Variants in COL5A1 observed in about 807,000 individuals in gnomAD.
COL5A1 encodes the protein collagen alpha-1(V) chain.
Under a neutral mutation model 263.7 loss-of-function variants are expected in COL5A1, and 16 were observed. The observed-to-expected ratio is 0.06, with a 90% confidence interval of 0.04 to 0.09. The LOEUF is 0.09. Among genes scored for constraint, COL5A1 ranks in the 10% least tolerant of loss-of-function variants. COL5A1 has a pLI of 1.00. For missense variants in COL5A1, 2,036 were observed against 2,540.5 expected, an observed-to-expected ratio of 0.80 and a Z score of 4.27; for synonymous variants, 1,012 against 1,004.5, an observed-to-expected ratio of 1.01 and a Z score of -0.14.
intron 9 of COL5A1, among the ~76,000 whole-genome samples, chr9:134,733,933 G>C (rs879627719): frequency 1.3e-5 from 2 of 152,188 alleles, no homozygotes; most frequent in East Asian, 3.8e-4. Context: ...GTCCTTGCTC[G>C]GGGAGGAAGA....
intron 34 of COL5A1, among the ~76,000 whole-genome samples, chr9:134,795,793 G>A (rs1837885592): frequency 6.6e-6 from 1 of 152,244 alleles, no homozygotes; most frequent in East Asian, 1.9e-4. Context: ...GGAGAATCTG[G>A]ACACAGACCC....
Position 134,761,797 on chromosome 9 carries a change from A to G in COL5A1, c.1936-128A>G, listed in dbSNP as rs544600210. ...GTGATCTTCTAAGGAAAATTCCCCC[A>G]TTCTGGAAGGGTCTTTTGAGAGCTT... is the stretch of plus-strand genomic sequence containing the variant. On this transcript the variant is annotated intron_variant, in intron 18 of 65. Transcript: ENST00000371817. The G allele has an allele frequency of 1.2e-4, 114 of 967,352 alleles. No homozygotes were observed. In the African/African-American group the frequency reaches 1.7e-3, roughly 14 times the overall value. 59.9% of individuals were successfully genotyped at this position (967,352 alleles called of 1,614,324 possible).
At chr9:134,703,882 G>T (rs909201019) in intron 4 of COL5A1, among the ~76,000 whole-genome samples, 1 of 151,856 alleles carries the variant, frequency 6.6e-6, no homozygotes, top group African/African-American at 2.4e-5. Flanking sequence ...CTTGTGATCC[G>T]CCCGCCTCGG....
intron 65 of COL5A1, 22 bp downstream of exon 65, chr9:134,835,226 C>A (rs1317254139): frequency 6.2e-7 from 1 of 1,601,624 alleles, no homozygotes; most frequent in Middle Eastern, 1.7e-4. Flanking sequence ...GCGCCGCGCC[C>A]AGCACCCCTG....
intron 19 of COL5A1, among the ~76,000 whole-genome samples, chr9:134,762,519 G>A (rs556622976): frequency 6.6e-6 from 1 of 152,168 alleles, no homozygotes; most frequent in African/African-American, 2.4e-5. Flanking sequence ...CCGGGGTCTG[G>A]TATCTGCCAC....
intron 11 of COL5A1, among the ~76,000 whole-genome samples, chr9:134,744,593 G>A (rs1161141539): frequency 2.1e-5 from 3 of 139,776 alleles, no homozygotes; most frequent in Non-Finnish European, 4.6e-5. Flanking sequence ...ACTTACACAT[G>A]CACACTCACC....
At position 134,841,449 on chromosome 9, in the gene COL5A1, C is replaced by A. The variant is rs187625394; in HGVS notation, c.5371-708C>A. On this transcript the variant is annotated intron_variant, in intron 65 of 65. Transcript: ENST00000371817. This position sits in a 1 kb window ranked among gnomAD's most constrained non-coding sequence, Gnocchi z 4.8. ...CCTAGGCTTCCATCCCACATCCCAG[C>A]GCCCAGGGTTGTGCTGTTTTGAGCA... Among the ~76,000 whole-genome samples, 80 of 152,252 alleles carry A rather than the reference C, an allele frequency of 5.3e-4. No homozygotes were observed. The highest frequency in any genetic ancestry group is 1.7e-3 in the African/African-American group (70 of 41,534).
Position 134,824,793 on chromosome 9 carries a change from C to G in COL5A1, c.4892C>G (p.Thr1631Arg), listed in dbSNP as rs764446683. The G allele has an allele frequency of 1.2e-6, 2 of 1,614,000 alleles. No homozygotes were observed. Among genetic ancestry groups the G allele is most frequent in the African/African-American group, 2.7e-5 (2 of 74,950 alleles). The stretch of plus-strand genomic sequence containing the variant: ...GAGCAGATGAAACGGCCCCTGGGCA[C>G]GCAGCAGAACCCCGCCCGCACCTGC... ...EIEQMKRPLG[T>R]QQNPARTCKD... Residue 1631 changes from threonine (T) to arginine (R), a missense_variant, in exon 62 of 66, where the codon ACG becomes AGG. Around this residue, in one of 3 missense-constraint regions of COL5A1, gnomAD observed 358 missense variants for 384.6 expected, o/e 0.93. Transcript: ENST00000371817.
chr9:134,803,616 C>T (rs1838189988), intron 39 of COL5A1, among the ~76,000 whole-genome samples: 1 of 152,078 alleles, frequency 6.6e-6, no homozygotes, highest in Non-Finnish European at 1.5e-5. Flanking sequence ...GCCTGGTTAA[C>T]ACAAATGAAA....
intron 49 of COL5A1, 58 bp downstream of exon 49, chr9:134,814,094 G>C: frequency 2.6e-6 from 4 of 1,519,372 alleles, no homozygotes; most frequent in Non-Finnish European, 3.6e-6. Context: ...GTGTGGACGG[G>C]GTGCTGGGTT....
chr9:134,686,745 G>A lies in COL5A1; in HGVS notation c.110-4167G>A, dbSNP rs1248018250. ...CAACTTCTCTAACTCTGATCAACTC[G>A]GGGATGGACAAGAGGTATTCCCTGG... On this transcript the variant is annotated intron_variant, in intron 1 of 65. Coordinates refer to ENST00000371817, the MANE Select transcript of COL5A1 (RefSeq NM_000093.5). This position sits in a 1 kb window ranked among gnomAD's most constrained non-coding sequence, Gnocchi z 4.6. 2.0e-5 allele frequency among the ~76,000 whole-genome samples: 3 copies of A among 152,174 alleles called. No individual in the cohort carries two copies. The highest frequency in any genetic ancestry group is 1.9e-4 in the East Asian group (1 of 5,184).
chr9:134,832,131 C>T (rs1017588075), intron 64 of COL5A1, among the ~76,000 whole-genome samples: 9 of 152,000 alleles, frequency 5.9e-5, no homozygotes, highest in African/African-American at 2.2e-4. Flanking sequence ...ATGGGCTGGG[C>T]AGGTTGGCTC....
In COL5A1 at chr9:134,794,123, C is replaced by T. The variant is rs1036427166; in HGVS notation, c.2701-959C>T. On this transcript the variant is annotated intron_variant, in intron 32 of 65. Coordinates refer to ENST00000371817, the MANE Select transcript of COL5A1 (RefSeq NM_000093.5). The surrounding 1 kb of genome is among the most constrained non-coding windows in gnomAD (Gnocchi z 4.3). ...CGGGTGAATCACGAGGTCAAGAGAT[C>T]GAGACCATCCTTGCCAACATGGTGA... 2.6e-5 allele frequency among the ~76,000 whole-genome samples: 4 copies of T among 152,056 alleles called. No homozygotes were observed. Among genetic ancestry groups the T allele is most frequent in the East Asian group, 1.9e-4 (1 of 5,190 alleles).
In COL5A1 at chr9:134,686,799, C is replaced by T. The variant is rs763779164; in HGVS notation, c.110-4113C>T. Reference sequence around the variant, plus strand: ...AGCGAGGCTGTGCAGGATGCCTGACCCCTAGGTGCTGGGGGTAAACACTTC... The same window carrying T: ...AGCGAGGCTGTGCAGGATGCCTGACTCCTAGGTGCTGGGGGTAAACACTTC... On this transcript the variant is annotated intron_variant, in intron 1 of 65. Coordinates refer to ENST00000371817, the MANE Select transcript of COL5A1 (RefSeq NM_000093.5). This position sits in a 1 kb window ranked among gnomAD's most constrained non-coding sequence, Gnocchi z 4.6. Among the ~76,000 whole-genome samples, 2 of 152,092 alleles carry T rather than the reference C, an allele frequency of 1.3e-5. No homozygotes were observed. Among genetic ancestry groups the T allele is most frequent in the Non-Finnish European group, 2.9e-5 (2 of 68,024 alleles).
intron 4 of COL5A1, among the ~76,000 whole-genome samples, chr9:134,723,698 G>T (rs1235421054): frequency 6.6e-6 from 1 of 152,168 alleles, no homozygotes; most frequent in Non-Finnish European, 1.5e-5. Flanking sequence ...CTTCTGGATG[G>T]GGCGAGGCAG....
At position 134,806,374 on chromosome 9, in the gene COL5A1, C is replaced by A. The variant is rs568940177; in HGVS notation, c.3366+78C>A. On this transcript the variant is annotated intron_variant, in intron 42 of 65. Transcript: ENST00000371817. ...TTCCGTGTCTGGCCTTGTCCCTCCC[C>A]CTGTGATGTCCCCAGGGGTATTTCC... is the stretch of plus-strand genomic sequence containing the variant. The A allele has an allele frequency of 5.6e-4, 559 of 999,692 alleles. 4 individuals are homozygous for A. The African/African-American group carries it at 7.8e-3, about 14-fold the overall frequency. 61.9% of individuals were successfully genotyped at this position (999,692 alleles called of 1,614,324 possible). A position where few individuals can be genotyped will look rare whatever the true frequency, so the allele number is the denominator to read the frequency against.
chr9:134,744,605 A>C (rs901395582), intron 11 of COL5A1, among the ~76,000 whole-genome samples: 14 of 151,778 alleles, frequency 9.2e-5, no homozygotes, highest in African/African-American at 3.4e-4. Flanking sequence ...ACACTCACCC[A>C]CACCTGCACA....
At chr9:134,658,322 T>C (rs560817494) in intron 1 of COL5A1, among the ~76,000 whole-genome samples, 1 of 152,282 alleles carries the variant, frequency 6.6e-6, no homozygotes, top group Non-Finnish European at 1.5e-5. Flanking sequence ...TGCTCACCAG[T>C]GATAAAGGAA....
intron 63 of COL5A1, among the ~76,000 whole-genome samples, chr9:134,827,335 C>G (rs1019640399): frequency 6.6e-6 from 1 of 152,198 alleles, no homozygotes; most frequent in Non-Finnish European, 1.5e-5. Flanking sequence ...GGCTGGAGAT[C>G]TGTGGGGCTC....
Sources: allele counts gnomAD v4.1 joint callset (sites outside exome capture counted in the v4.1 genomes callset), GRCh38; gene constraint gnomAD v4.1.1; regional missense constraint gnomAD v4.1.1; non-coding constraint Gnocchi (gnomAD v3.1); transcripts MANE v1.5; gene names NCBI Gene and HGNC (gene_info 2026-07-23, HGNC 2026-07-21).